The following MDN1 variants were observed in gnomAD, a reference collection of about 807,000 sequenced individuals.
MDN1 encodes the protein midasin.
A neutral mutation model predicts 669.2 loss-of-function variants in MDN1; 266 were observed. The observed-to-expected ratio is 0.40, with a 90% CI of 0.36 to 0.44. The LOEUF (loss-of-function observed/expected upper bound fraction) is 0.44, where lower values mean the gene tolerates loss of function less well. Ranked by LOEUF, MDN1 falls within the 20% of genes least tolerant of loss-of-function variation. The pLI is 1.00. For missense variants in MDN1, 5,940 were observed against 6,754.0 expected (o/e 0.88, Z 4.22); for synonymous variants, 2,385 against 2,457.1 (o/e 0.97, Z 0.87).
Position 89,714,703 on chromosome 6 carries a change from C to T in MDN1, c.6909G>A (p.Met2303Ile). The change falls in exon 46 of 102, where the codon ATG becomes ATA. Residue 2303 changes from methionine (M) to isoleucine (I), a missense_variant. Met to Ile is a conservative substitution (Grantham distance 10). Transcript: ENST00000369393. Reference protein sequence around the residue: ...DPVHGDISRAMRNRGLEIYIS... With the variant: ...DPVHGDISRAIRNRGLEIYIS... ...TGTAGATTTCAAGTCCACGATTCCT[C>T]ATAGCTCGGGATATATCTCCATGAA... 6 of 1,614,112 alleles carry T rather than the reference C, an allele frequency of 3.7e-6. No homozygotes were observed. The highest frequency in any genetic ancestry group is 1.1e-5 in the South Asian group (1 of 91,080).
At chr6:89,744,847 A>T (rs906989240) in intron 29 of MDN1, among the ~76,000 whole-genome samples, 2 of 152,162 alleles carry the variant, frequency 1.3e-5, no homozygotes, top group East Asian at 3.9e-4. Flanking sequence ...GCACCACTGC[A>T]CTCCAGCCTG....
rs769330287 is a variant in MDN1, at chr6:89,692,453, T to C, written c.10577A>G (p.His3526Arg). 4 of 1,610,464 alleles carry C rather than the reference T, an allele frequency of 2.5e-6. No individual in the cohort carries two copies. Among genetic ancestry groups the C allele is most frequent in the South Asian group, 1.1e-5 (1 of 90,514 alleles). The change falls in exon 63 of 102, where the codon CAT (histidine) becomes CGT (arginine). Residue 3526 changes from histidine to arginine, a missense_variant. Physicochemically the swap from His to Arg is conservative, Grantham distance 29 (BLOSUM62 0). This residue lies in a region of MDN1 where 2,280 missense variants were observed against 2,576.3 expected (regional missense o/e 0.88). Transcript: ENST00000369393. ...LDQRALQLFRHVCQEIISEWD... is the reference protein window; with the variant it reads ...LDQRALQLFRRVCQEIISEWD... Reference sequence around the variant, plus strand: ...CCAGAGATGGCTCACCTGACACACATGTCTGAAGAGCTGCAGGGCCCTCTG... The same window carrying C: ...CCAGAGATGGCTCACCTGACACACACGTCTGAAGAGCTGCAGGGCCCTCTG...
chr6:89,727,749 T>G (rs1021330775), intron 37 of MDN1, 84 bp downstream of exon 37: 25 of 1,603,804 alleles, frequency 1.6e-5, no homozygotes, highest in Non-Finnish European at 6.8e-6. Flanking sequence ...CACTGAGAAA[T>G]GGATTGTGAA....
At position 89,690,005 on chromosome 6, in the gene MDN1, A is replaced by C; in HGVS notation, c.10888T>G (p.Leu3630Val). The C allele has an allele frequency of 6.2e-7, 1 of 1,614,200 alleles. No individual in the cohort carries two copies. Among genetic ancestry groups the C allele is most frequent in the African/African-American group, 1.3e-5 (1 of 75,050 alleles). The change falls in exon 65 of 102, where the codon TTG becomes GTG. Residue 3630 changes from leucine to valine, a missense_variant. Coordinates refer to ENST00000369393, the MANE Select transcript of MDN1 (RefSeq NM_014611.3). ...MQAVMLIHQQLCLNFARSLWY... is the reference protein window; with the variant it reads ...MQAVMLIHQQVCLNFARSLWY... ...AGGGATCGAGCAAAGTTGAGACACA[A>C]TTGCTGGTGTATCAGCATTACTGCC...
chr6:89,711,802 G>A (rs1394624217), intron 49 of MDN1, among the ~76,000 whole-genome samples: 1 of 152,148 alleles, frequency 6.6e-6, no homozygotes, highest in Non-Finnish European at 1.5e-5. Flanking sequence ...TTGTTAGGAA[G>A]GTGACTATAT....
rs867310709 is a variant in MDN1, at chr6:89,695,285, G to C, written c.9771+320C>G. ...ATATCCAAAACTAAGCTCAGGTAGAGAGAGTCCAGAGACAGTGAGAGGTAC... is the reference window on the plus strand; with the variant it reads ...ATATCCAAAACTAAGCTCAGGTAGACAGAGTCCAGAGACAGTGAGAGGTAC... On this transcript the variant is annotated intron_variant, in intron 61 of 101. Coordinates refer to ENST00000369393, the MANE Select transcript of MDN1 (RefSeq NM_014611.3). The surrounding 1 kb of genome is among the most constrained non-coding windows in gnomAD (Gnocchi z 4.1). Among the ~76,000 whole-genome samples the C allele has an allele frequency of 1.1e-4, 16 of 152,252 alleles. No homozygotes were observed. The highest frequency in any genetic ancestry group is 1.8e-4 in the Non-Finnish European group (12 of 68,024).
At chr6:89,688,307 G>A (rs1238217027) in intron 66 of MDN1, 134 bp from the exon 67 acceptor site, 2 of 819,172 alleles carry the variant, frequency 2.4e-6, no homozygotes, top group South Asian at 1.7e-5. Flanking sequence ...AAAAAACAGA[G>A]CAACATGGCA....
chr6:89,769,146 G>A (rs1313186141), intron 15 of MDN1, among the ~76,000 whole-genome samples: 1 of 152,000 alleles, frequency 6.6e-6, no homozygotes, highest in Non-Finnish European at 1.5e-5. Context: ...TTATAAAACA[G>A]ATGAAACCAG....
intron 1 of MDN1, among the ~76,000 whole-genome samples, chr6:89,805,661 C>T (rs1395263864): frequency 6.6e-6 from 1 of 152,156 alleles, no homozygotes. Context: ...AAAATTATCA[C>T]CCAGAAAGTC....
intron 23 of MDN1, 63 bp from the exon 24 acceptor site, chr6:89,750,595 G>C: frequency 6.9e-7 from 1 of 1,446,542 alleles, no homozygotes; most frequent in South Asian, 1.2e-5. Context: ...TGAGAAACCA[G>C]AACTGAGTAT....
intron 8 of MDN1, among the ~76,000 whole-genome samples, chr6:89,785,793 G>C (rs934842240): frequency 6.6e-6 from 1 of 152,164 alleles, no homozygotes; most frequent in African/African-American, 2.4e-5. Flanking sequence ...CGATGTCCCA[G>C]GTCTTTCTGG....
At chr6:89,663,506 G>A (rs1247419523) in intron 85 of MDN1, among the ~76,000 whole-genome samples, 1 of 152,202 alleles carries the variant, frequency 6.6e-6, no homozygotes, top group African/African-American at 2.4e-5. Context: ...GTAAGATACA[G>A]TTATCTCCAA....
At chr6:89,652,710 A>G (rs1808965749) in intron 94 of MDN1, among the ~76,000 whole-genome samples, 1 of 152,222 alleles carries the variant, frequency 6.6e-6, no homozygotes. Flanking sequence ...AAGGATGGTT[A>G]GAAAAGTGGG....
intron 53 of MDN1, among the ~76,000 whole-genome samples, chr6:89,704,802 GATCTCCT>G (rs1387570558): frequency 6.6e-6 from 1 of 152,176 alleles, no homozygotes; most frequent in South Asian, 2.1e-4. Context: ...GGATGGCCTT[GATCTCCT>G]GACCTCGTGA....
rs1446910772 is a variant in MDN1, at chr6:89,715,668, G to A, written c.6845C>T (p.Pro2282Leu). Residue 2282 changes from proline to leucine, a missense_variant, in exon 45 of 102, where the codon CCA becomes CTA. Physicochemically the swap from Pro to Leu is moderately conservative, Grantham distance 98. Transcript: ENST00000369393. Reference protein sequence around the residue: ...MIDGSTPTITPNPNFRLFLSM... With the variant: ...MIDGSTPTITLNPNFRLFLSM... ...ATACAAATACCTGAAATTGGGATTT[G>A]GTGTTATCGTGGGAGTGGATCCATC... is the stretch of plus-strand genomic sequence containing the variant. The A allele has an allele frequency of 1.9e-6, 3 of 1,603,378 alleles. No homozygotes were observed. The highest frequency in any genetic ancestry group is 1.7e-5 in the Admixed American group (1 of 59,984).
At chr6:89,673,555 A>C in intron 79 of MDN1, 93 bp from the exon 80 acceptor site, 7 of 1,097,500 alleles carry the variant, frequency 6.4e-6, no homozygotes, top group Non-Finnish European at 8.1e-6. Context: ...TATGCAAGGT[A>C]GAACTCATCA....
At chr6:89,653,527 G>A (rs1310077826) in intron 93 of MDN1, among the ~76,000 whole-genome samples, 2 of 152,224 alleles carry the variant, frequency 1.3e-5, no homozygotes, top group East Asian at 3.8e-4. Context: ...AACAGGCAAA[G>A]AAAAGATCAA....
At chr6:89,736,029 T>TAAGA (rs1562159819) in intron 33 of MDN1, among the ~76,000 whole-genome samples, 1 of 152,218 alleles carries the variant, frequency 6.6e-6, no homozygotes, top group Admixed American at 6.5e-5. Context: ...AAATCTTAAC[T>TAAGA]ATCTTTAAAG....
chr6:89,777,101 A>T (rs1222056074), intron 11 of MDN1, among the ~76,000 whole-genome samples: 1 of 152,182 alleles, frequency 6.6e-6, no homozygotes, highest in Non-Finnish European at 1.5e-5. Context: ...GCAATACCTC[A>T]TGGTCATTAT....
Sources: allele counts gnomAD v4.1 joint callset (sites outside exome capture counted in the v4.1 genomes callset), GRCh38; gene constraint gnomAD v4.1.1; regional missense constraint gnomAD v4.1.1; non-coding constraint Gnocchi (gnomAD v3.1); transcripts MANE v1.5; gene names NCBI Gene and HGNC (gene_info 2026-07-23, HGNC 2026-07-21).